NBAS: variants seen among roughly 807,000 people sequenced by gnomAD.
NBAS encodes NBAS subunit of NRZ tethering complex, also known as NAG/BC035112 fusion.
A neutral mutation model predicts 302.5 loss-of-function variants in NBAS; 219 were observed. That is an observed-to-expected ratio of 0.72 (90% CI 0.65 to 0.81). The LOEUF (loss-of-function observed/expected upper bound fraction) is 0.81. NBAS is among the 30% of genes least tolerant of loss of function. The pLI is 0.00. For missense variants in NBAS, 2,932 were observed against 2,841.6 expected, an observed-to-expected ratio of 1.03 and a Z score of -0.72; for synonymous variants, 1,118 against 1,021.6, an observed-to-expected ratio of 1.09 and a Z score of -1.80.
At chr2:15,296,706 G>A (rs1670566899) in intron 40 of NBAS, among the ~76,000 whole-genome samples, 1 of 152,026 alleles carries the variant, frequency 6.6e-6, no homozygotes, top group Non-Finnish European at 1.5e-5. Context: ...TGCCATAATG[G>A]TGCATGCCTG....
intron 51 of NBAS, among the ~76,000 whole-genome samples, chr2:15,175,405 C>A (rs1664488607): frequency 6.6e-6 from 1 of 152,096 alleles, no homozygotes; most frequent in African/African-American, 2.4e-5. Flanking sequence ...CGTTACAAAT[C>A]GGGAATTACA....
At chr2:15,511,941 C>T (rs1275155660) in intron 9 of NBAS, among the ~76,000 whole-genome samples, 1 of 152,166 alleles carries the variant, frequency 6.6e-6, no homozygotes, top group African/African-American at 2.4e-5. Flanking sequence ...AGTTAGAAGA[C>T]ATTACTGTGT....
At chr2:15,271,761 C>T (rs1440462721) in intron 44 of NBAS, among the ~76,000 whole-genome samples, 1 of 152,184 alleles carries the variant, frequency 6.6e-6, no homozygotes, top group Non-Finnish European at 1.5e-5. Context: ...TAATACCAAG[C>T]AAATTGTGTT....
intron 47 of NBAS, among the ~76,000 whole-genome samples, chr2:15,228,264 A>G (rs1456770456): frequency 6.6e-6 from 1 of 152,210 alleles, no homozygotes; most frequent in African/African-American, 2.4e-5. Context: ...AAAATGCTCG[A>G]CATCACTAAT....
intron 8 of NBAS, among the ~76,000 whole-genome samples, chr2:15,535,501 G>A (rs972912062): frequency 2.0e-4 from 30 of 149,770 alleles, no homozygotes; most frequent in African/African-American, 6.5e-4. Context: ...CAGCCTGGGC[G>A]ACAGAGCAAG....
the NBAS span, among the ~76,000 whole-genome samples, chr2:14,811,863 A>G: frequency 6.6e-6 from 1 of 152,206 alleles, no homozygotes; most frequent in African/African-American, 2.4e-5. Context: ...GGTTAGCTAT[A>G]GTGGGTTAGG....
the NBAS span, among the ~76,000 whole-genome samples, chr2:15,087,578 C>T: frequency 6.6e-6 from 1 of 152,158 alleles, no homozygotes; most frequent in Non-Finnish European, 1.5e-5. Context: ...TCAGAGAACT[C>T]GTCAGCTGGT....
intron 48 of NBAS, among the ~76,000 whole-genome samples, chr2:15,197,035 T>C (rs2125154028): frequency 6.6e-6 from 1 of 152,274 alleles, no homozygotes; most frequent in South Asian, 2.1e-4. Context: ...TACTGACCAC[T>C]AAGGATCCAT....
the NBAS span, among the ~76,000 whole-genome samples, chr2:14,906,934 C>T: frequency 6.6e-6 from 1 of 152,114 alleles, no homozygotes; most frequent in African/African-American, 2.4e-5. Flanking sequence ...GTCCTCTCTC[C>T]CCCAAACCTA....
the NBAS span, among the ~76,000 whole-genome samples, chr2:15,077,217 C>T: frequency 6.6e-6 from 1 of 152,114 alleles, no homozygotes; most frequent in Non-Finnish European, 1.5e-5. Context: ...TGGGGAACTG[C>T]TACATACTTT....
At chr2:14,978,633 T>C in the NBAS span, among the ~76,000 whole-genome samples, 18 of 152,172 alleles carry the variant, frequency 1.2e-4, no homozygotes, top group Admixed American at 6.5e-4. Flanking sequence ...CCACAGCTGC[T>C]AATCAGAAAA....
chr2:14,812,564 C>T, the NBAS span, among the ~76,000 whole-genome samples: 3 of 152,078 alleles, frequency 2.0e-5, no homozygotes, highest in Non-Finnish European at 4.4e-5. Flanking sequence ...CCAACCATAG[C>T]ACTAGGAACA....
Position 15,529,157 on chromosome 2 carries a change from G to GTA in NBAS, c.746+5384_746+5385dup, listed in dbSNP as rs113170415. Among the ~76,000 whole-genome samples the GTA allele has an allele frequency of 8.8e-3, 1,334 of 151,824 alleles. 12 individuals carry two copies. The highest frequency in any genetic ancestry group is 0.03 in the African/African-American group (1,254 of 41,386). ...GCTTTTTAAGAAACATATTCGAAAA[G>GTA]TATATATATATGTGCTGAGGAAGTG... is the stretch of plus-strand genomic sequence containing the variant. On this transcript the variant is annotated intron_variant, in intron 9 of 51. Coordinates refer to ENST00000281513, the MANE Select transcript of NBAS (RefSeq NM_015909.4).
the NBAS span, among the ~76,000 whole-genome samples, chr2:14,872,000 T>TAC: frequency 1.8e-4 from 27 of 152,094 alleles, no homozygotes; most frequent in Non-Finnish European, 3.5e-4. Context: ...AGCACACATA[T>TAC]ACACACACAT....
chr2:14,963,249 CAG>C, the NBAS span, among the ~76,000 whole-genome samples: 1 of 152,054 alleles, frequency 6.6e-6, no homozygotes, highest in Non-Finnish European at 1.5e-5. Context: ...GCCTGGGTGA[CAG>C]AGTGAGACTC....
the NBAS span, among the ~76,000 whole-genome samples, chr2:15,029,455 C>A: frequency 3.3e-4 from 50 of 152,156 alleles, 1 homozygote; most frequent in East Asian, 9.1e-3. Context: ...AAAAGAGGAA[C>A]CTTGGGATCA....
chr2:15,474,019 A>C (rs775576349), intron 15 of NBAS, 48 bp downstream of exon 15: 6 of 1,609,942 alleles, frequency 3.7e-6, no homozygotes, highest in Non-Finnish European at 5.1e-6. Context: ...TCAATAAAAG[A>C]AAAGCTTGAT....
At chr2:15,163,345 TCTGAGGGAAAAGCA>T (rs1213340664), downstream of NBAS, among the ~76,000 whole-genome samples, 2 of 152,110 alleles carry the variant, frequency 1.3e-5, no homozygotes, top group Non-Finnish European at 2.9e-5. Flanking sequence ...TCTGTGTGTT[TCTGAGGGAAAAGCA>T]AGTGGGCAGA....
the NBAS span, among the ~76,000 whole-genome samples, chr2:14,868,092 A>G: frequency 6.6e-6 from 1 of 152,116 alleles, no homozygotes; most frequent in Non-Finnish European, 1.5e-5. Flanking sequence ...AGGGTATCTC[A>G]ATTATTATCT....
Sources: allele counts gnomAD v4.1 joint callset (sites outside exome capture counted in the v4.1 genomes callset), GRCh38; gene constraint gnomAD v4.1.1; transcripts MANE v1.5; gene names NCBI Gene and HGNC (gene_info 2026-07-23, HGNC 2026-07-21).